The following CRTAC1 variants were observed in gnomAD, a reference collection of about 807,000 sequenced individuals.
The protein encoded by CRTAC1 is acidic secreted protein in cartilage.
In CRTAC1, 37 loss-of-function variants were observed where a neutral mutation model predicts 67.8. The observed-to-expected ratio is 0.55, with a 90% CI of 0.42 to 0.72. The LOEUF is 0.72. Ranked by LOEUF, CRTAC1 falls within the 30% of genes least tolerant of loss-of-function variation. The pLI is 0.00. For synonymous variants in CRTAC1, 348 were observed against 371.0 expected (o/e 0.94, Z 0.71); for missense variants, 780 against 931.6 (o/e 0.84, Z 2.12).
chr10:97,913,131 AG>A (rs2136581841), intron 5 of CRTAC1, among the ~76,000 whole-genome samples: 1 of 152,176 alleles, frequency 6.6e-6, no homozygotes, highest in African/African-American at 2.4e-5. Context: ...AGAGAGAGAG[AG>A]AGAGTGTGTG....
chr10:97,910,255 C>CT (rs1275834186), intron 5 of CRTAC1, among the ~76,000 whole-genome samples: 1 of 152,220 alleles, frequency 6.6e-6, no homozygotes, highest in East Asian at 1.9e-4. Context: ...ATTAGCTCGA[C>CT]TTAGCCATTC....
At chr10:97,957,093 A>G (rs2051452979) in intron 2 of CRTAC1, among the ~76,000 whole-genome samples, 1 of 151,834 alleles carries the variant, frequency 6.6e-6, no homozygotes, top group South Asian at 2.1e-4. Flanking sequence ...GGGATTATAG[A>G]TGTGAACCAC....
At chr10:98,013,128 A>G (rs522110) in intron 1 of CRTAC1, among the ~76,000 whole-genome samples, 78,703 of 152,062 alleles carry the variant, frequency 0.52, 20,967 homozygotes, top group African/African-American at 0.58. Flanking sequence ...TTTTCAAGGG[A>G]TGACCTCTAT....
At chr10:97,894,678 A>C (rs1463272592) in intron 11 of CRTAC1, among the ~76,000 whole-genome samples, 1 of 128,376 alleles carries the variant, frequency 7.8e-6, no homozygotes, top group Non-Finnish European at 1.6e-5. Context: ...GATTATAGGC[A>C]TGAGCCACTG....
At chr10:97,910,701 G>A (rs1161542469) in intron 5 of CRTAC1, among the ~76,000 whole-genome samples, 1 of 152,184 alleles carries the variant, frequency 6.6e-6, no homozygotes, top group Admixed American at 6.5e-5. Context: ...CATCCTCTGA[G>A]AGATGCCCCC....
intron 2 of CRTAC1, among the ~76,000 whole-genome samples, chr10:97,971,664 G>A (rs1564917904): frequency 1.3e-5 from 2 of 152,218 alleles, no homozygotes; most frequent in Non-Finnish European, 2.9e-5. Context: ...GGAATTTTAT[G>A]TTATGCATAG....
chr10:97,909,505 G>A (rs1286488013), intron 5 of CRTAC1, among the ~76,000 whole-genome samples: 2 of 152,086 alleles, frequency 1.3e-5, no homozygotes, highest in Non-Finnish European at 2.9e-5. Context: ...GACCAAATGA[G>A]GTAAGATGCA....
chr10:98,008,294 C>T (rs1245824894), intron 2 of CRTAC1, among the ~76,000 whole-genome samples: 7 of 152,094 alleles, frequency 4.6e-5, no homozygotes, highest in African/African-American at 1.7e-4. Flanking sequence ...AGGGGCAAAA[C>T]GATAGCAAAA....
At chr10:97,937,363 G>A (rs1298447241) in intron 2 of CRTAC1, among the ~76,000 whole-genome samples, 2 of 151,756 alleles carry the variant, frequency 1.3e-5, no homozygotes, top group Non-Finnish European at 2.9e-5. Flanking sequence ...CCCAAAATTA[G>A]CAACCACCCC....
At chr10:97,983,283 C>T (rs1043545981) in intron 2 of CRTAC1, among the ~76,000 whole-genome samples, 4 of 147,932 alleles carry the variant, frequency 2.7e-5, no homozygotes, top group African/African-American at 8.0e-5. Flanking sequence ...TTAGTGAGCA[C>T]CTACACTGTG....
At chr10:97,996,537 C>CCA (rs1564928089) in intron 2 of CRTAC1, among the ~76,000 whole-genome samples, 1 of 151,840 alleles carries the variant, frequency 6.6e-6, no homozygotes, top group Non-Finnish European at 1.5e-5. Context: ...CAATGAGATA[C>CCA]CATCTCACAC....
At position 97,920,665 on chromosome 10, in the gene CRTAC1, T is replaced by TCCTAGTCTAGGGCCTGCC. The variant is rs529974118; in HGVS notation, c.558+2581_558+2598dup. Among the ~76,000 whole-genome samples the TCCTAGTCTAGGGCCTGCC allele has an allele frequency of 1.6e-4, 24 of 152,332 alleles. No homozygotes were observed. In the South Asian group the frequency reaches 3.7e-3, roughly 24 times the overall value. ...ACTGGTCCAGGGCCATTAGCCCGGG[T>TCCTAGTCTAGGGCCTGCC]CCTAGTCTAGGGCCTGCCCCTAACT... On this transcript the variant is annotated intron_variant, in intron 4 of 14. Transcript: ENST00000370597.
chr10:97,991,438 AT>A (rs1842454096), intron 2 of CRTAC1, among the ~76,000 whole-genome samples: 1 of 151,302 alleles, frequency 6.6e-6, no homozygotes, highest in Non-Finnish European at 1.5e-5. Flanking sequence ...AAATAAATAA[AT>A]AAATAAATAA....
At chr10:97,881,166 C>G (rs1564875032) in intron 13 of CRTAC1, among the ~76,000 whole-genome samples, 1 of 152,228 alleles carries the variant, frequency 6.6e-6, no homozygotes, top group Admixed American at 6.5e-5. Flanking sequence ...TGTCACTCCC[C>G]AGTTTAGCTT....
At chr10:97,994,615 G>T (rs1005151507) in intron 2 of CRTAC1, among the ~76,000 whole-genome samples, 1 of 152,162 alleles carries the variant, frequency 6.6e-6, no homozygotes, top group East Asian at 1.9e-4. Context: ...ATTCTCTCAG[G>T]TTCCTCCATG....
chr10:97,983,820 CTT>C (rs1236947122), intron 2 of CRTAC1, among the ~76,000 whole-genome samples: 3 of 152,214 alleles, frequency 2.0e-5, no homozygotes, highest in African/African-American at 4.8e-5. Context: ...CACCCACTCT[CTT>C]GTTTCCATCT....
intron 14 of CRTAC1, chr10:97,878,818 G>A: frequency 2.6e-6 from 2 of 770,582 alleles, no homozygotes; most frequent in Non-Finnish European, 3.6e-6. Flanking sequence ...GGAAACTGAG[G>A]CACAGCATGG....
intron 2 of CRTAC1, among the ~76,000 whole-genome samples, chr10:97,954,505 GAGAGGACTCCTGCC>G (rs2051409013): frequency 6.6e-6 from 1 of 152,218 alleles, no homozygotes; most frequent in South Asian, 2.1e-4. Context: ...TGAAATAGCA[GAGAGGACTCCTGCC>G]AGATCCTGCT....
intron 5 of CRTAC1, among the ~76,000 whole-genome samples, chr10:97,909,806 G>A (rs1236781054): frequency 6.6e-6 from 1 of 152,276 alleles, no homozygotes; most frequent in South Asian, 2.1e-4. Flanking sequence ...ATGAAGATAC[G>A]AAGTGTCCAT....
Sources: allele counts gnomAD v4.1 joint callset (sites outside exome capture counted in the v4.1 genomes callset), GRCh38; gene constraint gnomAD v4.1.1; transcripts MANE v1.5; gene names NCBI Gene and HGNC (gene_info 2026-07-23, HGNC 2026-07-21).